Variants in AZIN2 observed in about 807,000 individuals in gnomAD.
AZIN2 encodes antizyme inhibitor 2.
A neutral mutation model predicts 47.8 loss-of-function variants in AZIN2; 28 were observed. The observed-to-expected ratio is 0.59, with a 90% confidence interval of 0.43 to 0.80. The LOEUF (loss-of-function observed/expected upper bound fraction) is 0.80, where lower values mean the gene tolerates loss of function less well. AZIN2 is among the 30% of genes least tolerant of loss of function. The pLI is 0.00. For synonymous variants in AZIN2, 221 were observed against 239.4 expected (o/e 0.92, Z 0.71); for missense variants, 535 against 582.5 (o/e 0.92, Z 0.84).
chr1:33,126,142 TG>T (rs1644855060), downstream of AZIN2, among the ~76,000 whole-genome samples: 1 of 152,380 alleles, frequency 6.6e-6, no homozygotes, highest in African/African-American at 2.4e-5. Context: ...GGCAAAGATT[TG>T]TTTATTTTGT....
At chr1:33,140,470 T>C in the AZIN2 span, among the ~76,000 whole-genome samples, 2 of 152,156 alleles carry the variant, frequency 1.3e-5, no homozygotes, top group Admixed American at 6.5e-5. This position sits in a 1 kb window ranked among gnomAD's most constrained non-coding sequence, Gnocchi z 4.0. Context: ...ACCTGCGGTA[T>C]GTGGTAAGCA....
chr1:33,157,775 G>A, the AZIN2 span, among the ~76,000 whole-genome samples: 2,479 of 149,914 alleles, frequency 0.017, 26 homozygotes, highest in African/African-American at 0.033. Flanking sequence ...CTTTTTTTCC[G>A]AGATGGAGTC....
the AZIN2 span, among the ~76,000 whole-genome samples, chr1:33,151,899 T>C: frequency 6.6e-6 from 1 of 152,178 alleles, no homozygotes; most frequent in East Asian, 1.9e-4. Context: ...AGTGAGTGGA[T>C]TGTGTTTCTT....
At chr1:33,140,637 G>A in the AZIN2 span, among the ~76,000 whole-genome samples, 5 of 152,238 alleles carry the variant, frequency 3.3e-5, no homozygotes, top group Admixed American at 3.3e-4. This position sits in a 1 kb window ranked among gnomAD's most constrained non-coding sequence, Gnocchi z 4.0. Flanking sequence ...CAGTCCCAAT[G>A]CTTTCACTTA....
chr1:33,117,491 A>G (rs986399007), intron 10 of AZIN2, among the ~76,000 whole-genome samples: 4 of 151,914 alleles, frequency 2.6e-5, no homozygotes, highest in African/African-American at 9.7e-5. Context: ...AATCACAACA[A>G]TAAGTTACAA....
At chr1:33,141,554 T>C in the AZIN2 span, among the ~76,000 whole-genome samples, 7 of 152,188 alleles carry the variant, frequency 4.6e-5, no homozygotes, top group African/African-American at 1.7e-4. Flanking sequence ...ACCTGAAGCT[T>C]TGTGCCTCTG....
chr1:33,144,012 C>G, the AZIN2 span, among the ~76,000 whole-genome samples: 2 of 152,344 alleles, frequency 1.3e-5, no homozygotes, highest in African/African-American at 4.8e-5. Context: ...TAAACCTAGT[C>G]CTTGCCTTTT....
chr1:33,127,826 G>C (rs778020340), downstream of AZIN2, among the ~76,000 whole-genome samples: 21 of 152,044 alleles, frequency 1.4e-4, no homozygotes, highest in Non-Finnish European at 2.6e-4. Flanking sequence ...AAATAATCAA[G>C]CGTGCCTACT....
At chr1:33,123,959 A>G (rs2124685496), downstream of AZIN2, among the ~76,000 whole-genome samples, 1 of 152,036 alleles carries the variant, frequency 6.6e-6, no homozygotes, top group South Asian at 2.1e-4. Flanking sequence ...TCACACCACT[A>G]CACTCCAGCC....
chr1:33,145,758 C>A, the AZIN2 span: 1 of 423,800 alleles, frequency 2.4e-6, no homozygotes. Flanking sequence ...AGGGGCAGGA[C>A]AACCCTAGAT....
Position 33,113,911 on chromosome 1 carries a change from A to G in AZIN2, c.1030-3991A>G, listed in dbSNP as rs1644398288. Among the ~76,000 whole-genome samples the G allele has an allele frequency of 6.6e-6, 1 of 152,134 alleles. No individual in the cohort carries two copies. Among genetic ancestry groups the G allele is most frequent in the South Asian group, 2.1e-4 (1 of 4,834 alleles). ...AATTAAACTTGAACTGTAGATCTAT[A>G]TTTTCCATGTTATGAAGCCAGTGAT... On this transcript the variant is annotated intron_variant, in intron 10 of 11. Transcript: ENST00000294517. The surrounding 1 kb of genome is among the most constrained non-coding windows in gnomAD (Gnocchi z 4.1).
chr1:33,083,525 A>G (rs546792690), intron 4 of AZIN2: 3 of 286,050 alleles, frequency 1.0e-5, no homozygotes, highest in East Asian at 8.3e-5. Context: ...GGACAGATGC[A>G]TATGCAGTTC....
chr1:33,134,511 C>A, the AZIN2 span, among the ~76,000 whole-genome samples: 2 of 152,176 alleles, frequency 1.3e-5, no homozygotes, highest in East Asian at 3.9e-4. Flanking sequence ...AAAGGACTAT[C>A]CTATGGAAAG....
intron 5 of AZIN2, among the ~76,000 whole-genome samples, chr1:33,086,376 G>A (rs1641901847): frequency 6.6e-6 from 1 of 152,164 alleles, no homozygotes; most frequent in Admixed American, 6.5e-5. Flanking sequence ...GGAGAGGATG[G>A]CTGAGCTGGG....
the AZIN2 span, among the ~76,000 whole-genome samples, chr1:33,141,158 C>T: frequency 6.6e-6 from 1 of 152,002 alleles, no homozygotes; most frequent in African/African-American, 2.4e-5. Context: ...TTTGATCACC[C>T]TTTTGCCCCC....
At chr1:33,094,451 G>A in intron 7 of AZIN2, 97 bp from the exon 8 acceptor site, 2 of 1,277,812 alleles carry the variant, frequency 1.6e-6, no homozygotes, top group Admixed American at 4.0e-5. Context: ...AATGGGCACA[G>A]TGTCTCATGT....
the AZIN2 span, among the ~76,000 whole-genome samples, chr1:33,150,769 TA>T: frequency 6.6e-5 from 10 of 151,594 alleles, no homozygotes; most frequent in Admixed American, 5.9e-4. Context: ...GAGTGTGTGG[TA>T]GGGGGAAGAG....
chr1:33,089,815 A>G (rs759705647), intron 5 of AZIN2, among the ~76,000 whole-genome samples: 4 of 152,250 alleles, frequency 2.6e-5, no homozygotes, highest in Non-Finnish European at 4.4e-5. Flanking sequence ...AAGTTGCTAA[A>G]TTAAAATTAG....
At chr1:33,165,685 G>A in the AZIN2 span, 1 of 775,564 alleles carries the variant, frequency 1.3e-6, no homozygotes, top group East Asian at 3.2e-5. This position sits in a 1 kb window ranked among gnomAD's most constrained non-coding sequence, Gnocchi z 4.0. Flanking sequence ...TCCAACACTT[G>A]CCTCCCGTCA....
Sources: allele counts gnomAD v4.1 joint callset (sites outside exome capture counted in the v4.1 genomes callset), GRCh38; gene constraint gnomAD v4.1.1; non-coding constraint Gnocchi (gnomAD v3.1); transcripts MANE v1.5; gene names NCBI Gene and HGNC (gene_info 2026-07-23, HGNC 2026-07-21).